The following TSHZ3 variants were observed in gnomAD, a reference collection of about 807,000 sequenced individuals.
TSHZ3 encodes the protein teashirt homolog 3.
TSHZ3 carries 10 observed loss-of-function variants against 64.5 expected under a neutral mutation model. The observed-to-expected ratio is 0.16, with a 90% CI of 0.10 to 0.26. TSHZ3 has a LOEUF of 0.26. Ranked by LOEUF, TSHZ3 falls within the 10% of genes least tolerant of loss-of-function variation. TSHZ3 has a pLI of 1.00. For missense variants in TSHZ3, 1,242 were observed against 1,421.7 expected, an observed-to-expected ratio of 0.87 and a Z score of 2.03; for synonymous variants, 608 against 593.1, an observed-to-expected ratio of 1.03 and a Z score of -0.36.
intron 6 of TSHZ3, among the ~76,000 whole-genome samples, chr19:31,155,052 C>G (rs1171437276): frequency 6.6e-6 from 1 of 152,212 alleles, no homozygotes; most frequent in Non-Finnish European, 1.5e-5. Context: ...AACAGTGGTT[C>G]TTGGAGATAA....
chr19:31,154,683 C>A (rs1343361390), intron 6 of TSHZ3, among the ~76,000 whole-genome samples: 2 of 152,376 alleles, frequency 1.3e-5, no homozygotes, highest in South Asian at 4.1e-4. Context: ...AGAGACCAGA[C>A]TCCTATCACC....
chr19:31,299,064 G>C (rs1295721403), intron 1 of TSHZ3, among the ~76,000 whole-genome samples: 1 of 152,136 alleles, frequency 6.6e-6, no homozygotes, highest in Non-Finnish European at 1.5e-5. Flanking sequence ...GCGTGGTAGC[G>C]GGCGCCTGTA....
At chr19:31,273,111 A>G (rs1214933256), downstream of TSHZ3, among the ~76,000 whole-genome samples, 1 of 152,142 alleles carries the variant, frequency 6.6e-6, no homozygotes, top group Non-Finnish European at 1.5e-5. Context: ...AGCCAGGCAA[A>G]GGTTTGGTAA....
intron 1 of TSHZ3, among the ~76,000 whole-genome samples, chr19:31,289,651 T>G (rs1349075174): frequency 6.6e-6 from 1 of 151,960 alleles, no homozygotes; most frequent in Non-Finnish European, 1.5e-5. Context: ...CTCCCAGGGG[T>G]GGGGTTCGGA....
chr19:31,210,010 C>A (rs1454534151), intron 4 of TSHZ3, among the ~76,000 whole-genome samples: 1 of 152,022 alleles, frequency 6.6e-6, no homozygotes, highest in Non-Finnish European at 1.5e-5. Flanking sequence ...AAGGAGGTAA[C>A]AAGGCATAGA....
intron 1 of TSHZ3, among the ~76,000 whole-genome samples, chr19:31,286,045 C>T (rs183989460): frequency 2.4e-4 from 36 of 152,270 alleles, no homozygotes; most frequent in East Asian, 5.8e-4. Context: ...CCGCATTCCA[C>T]GCTTCCCCAA....
At chr19:31,302,046 C>A (rs1264295946) in intron 1 of TSHZ3, among the ~76,000 whole-genome samples, 1 of 152,190 alleles carries the variant, frequency 6.6e-6, no homozygotes, top group Non-Finnish European at 1.5e-5. Context: ...TGAAGACATT[C>A]CTTACACTCA....
intron 1 of TSHZ3, among the ~76,000 whole-genome samples, chr19:31,265,575 C>T (rs1235978499): frequency 1.3e-5 from 2 of 152,120 alleles, no homozygotes; most frequent in African/African-American, 4.8e-5. Context: ...CTCATTCCCC[C>T]TTTAGCAAAC....
chr19:31,209,946 G>A (rs1429429613), intron 4 of TSHZ3, among the ~76,000 whole-genome samples: 1 of 152,102 alleles, frequency 6.6e-6, no homozygotes. Context: ...GGGAGAGAAG[G>A]TCAGGTCAGT....
At chr19:31,299,053 G>T (rs1599634072) in intron 1 of TSHZ3, among the ~76,000 whole-genome samples, 1 of 152,252 alleles carries the variant, frequency 6.6e-6, no homozygotes, top group African/African-American at 2.4e-5. Context: ...AAATTAGCCG[G>T]GCGTGGTAGC....
At chr19:31,268,734 G>T (rs1016100211) in intron 1 of TSHZ3, among the ~76,000 whole-genome samples, 1 of 152,094 alleles carries the variant, frequency 6.6e-6, no homozygotes, top group Non-Finnish European at 1.5e-5. Context: ...TGTGGGAGAA[G>T]GCCTCTGCTT....
At chr19:31,242,771 T>C (rs941066064) in intron 2 of TSHZ3, among the ~76,000 whole-genome samples, 2 of 86,112 alleles carry the variant, frequency 2.3e-5, no homozygotes, top group Non-Finnish European at 4.3e-5. Flanking sequence ...AGAGAGAACC[T>C]GGAGTTCTGA....
chr19:31,323,281 G>C (rs112574230), intron 1 of TSHZ3, among the ~76,000 whole-genome samples: 181 of 152,290 alleles, frequency 1.2e-3, no homozygotes, highest in Non-Finnish European at 2.0e-3. Context: ...GTTCCACAGA[G>C]TAGCCTATGA....
chr19:31,206,430 G>C (rs1975178044), intron 4 of TSHZ3, among the ~76,000 whole-genome samples: 1 of 152,124 alleles, frequency 6.6e-6, no homozygotes, highest in African/African-American at 2.4e-5. Flanking sequence ...TACCAACATA[G>C]GCAAAAGCAA....
intron 4 of TSHZ3, among the ~76,000 whole-genome samples, chr19:31,214,706 A>G (rs893500929): frequency 2.0e-5 from 3 of 152,046 alleles, no homozygotes; most frequent in African/African-American, 7.2e-5. Flanking sequence ...CAGGAAATCG[A>G]GACCATCCTG....
intron 1 of TSHZ3, among the ~76,000 whole-genome samples, chr19:31,310,737 C>T (rs543084063): frequency 4.6e-5 from 7 of 152,304 alleles, no homozygotes; most frequent in East Asian, 3.9e-4. Flanking sequence ...AACCTCTCTA[C>T]GTTTCTGGTT....
chr19:31,261,612 A>G (rs1337266217), intron 1 of TSHZ3, among the ~76,000 whole-genome samples: 1 of 152,170 alleles, frequency 6.6e-6, no homozygotes, highest in African/African-American at 2.4e-5. Flanking sequence ...TCCATCTCAA[A>G]GTTTCTATAG....
At chr19:31,240,442 G>A (rs1975672456) in intron 3 of TSHZ3, among the ~76,000 whole-genome samples, 1 of 152,060 alleles carries the variant, frequency 6.6e-6, no homozygotes, top group Non-Finnish European at 1.5e-5. Flanking sequence ...TGCTTTTTAT[G>A]GCTTAATAGA....
In TSHZ3 at chr19:31,172,940, T is replaced by TG. The variant is rs1158832151; in HGVS notation, n.810-16524dup. Among the ~76,000 whole-genome samples the TG allele has an allele frequency of 5.3e-5, 8 of 152,222 alleles. No individual in the cohort carries two copies. In the East Asian group the frequency reaches 1.5e-3, roughly 29 times the overall value. ...AATACAAGGAGGGAGTGGCAGGAGT[T>TG]GGGAAAAAACACCCAAGATAGGGAC... is the stretch of plus-strand genomic sequence containing the variant. On this transcript the variant is annotated intron_variant and non_coding_transcript_variant, in intron 5 of 6. Coordinates refer to the TSHZ3 transcript ENST00000651361.
Sources: allele counts gnomAD v4.1 joint callset (sites outside exome capture counted in the v4.1 genomes callset), GRCh38; gene constraint gnomAD v4.1.1; transcripts MANE v1.5; gene names NCBI Gene and HGNC (gene_info 2026-07-23, HGNC 2026-07-21).